RABGAP1L: variants seen among roughly 807,000 people sequenced by gnomAD.
RABGAP1L encodes the protein RAB GTPase activating protein 1 like, also known as rab GTPase-activating protein 1-like.
Under a neutral mutation model 137.7 loss-of-function variants are expected in RABGAP1L, and 63 were observed. The observed-to-expected ratio is 0.46, with a 90% CI of 0.37 to 0.56. RABGAP1L has a LOEUF of 0.56. RABGAP1L is among the 20% of genes least tolerant of loss of function. The pLI is 0.00. For missense variants in RABGAP1L, 1,095 were observed against 1,244.0 expected (o/e 0.88, Z 1.80); for synonymous variants, 431 against 433.7 (o/e 0.99, Z 0.08).
intron 19 of RABGAP1L, among the ~76,000 whole-genome samples, chr1:174,892,087 G>A (rs1455682661): frequency 6.6e-6 from 1 of 152,222 alleles, no homozygotes; most frequent in African/African-American, 2.4e-5. Flanking sequence ...TGGAGCCTCT[G>A]CGACTACACC....
intron 11 of RABGAP1L, among the ~76,000 whole-genome samples, chr1:174,335,304 CT>C (rs1681384819): frequency 6.6e-6 from 1 of 152,130 alleles, no homozygotes; most frequent in Admixed American, 6.5e-5. Context: ...AACAATTTGC[CT>C]GTCAAAGCAA....
At chr1:174,192,040 T>TTAGACTGAA (rs1173243110) in intron 1 of RABGAP1L, among the ~76,000 whole-genome samples, 3 of 152,186 alleles carry the variant, frequency 2.0e-5, no homozygotes. Flanking sequence ...GGTTAGAGTA[T>TTAGACTGAA]TAGACTGAAT....
At chr1:174,333,382 T>C (rs1403191922) in intron 11 of RABGAP1L, among the ~76,000 whole-genome samples, 1 of 152,228 alleles carries the variant, frequency 6.6e-6, no homozygotes, top group Non-Finnish European at 1.5e-5. Flanking sequence ...TACCGTAATA[T>C]GATCATTACA....
At chr1:174,950,298 C>T (rs1667517397) in intron 19 of RABGAP1L, among the ~76,000 whole-genome samples, 1 of 152,170 alleles carries the variant, frequency 6.6e-6, no homozygotes, top group South Asian at 2.1e-4. Flanking sequence ...TAATCATTTA[C>T]AGGCTCTAAC....
At chr1:174,875,011 A>G (rs753402251) in intron 19 of RABGAP1L, among the ~76,000 whole-genome samples, 1 of 152,196 alleles carries the variant, frequency 6.6e-6, no homozygotes, top group Non-Finnish European at 1.5e-5. Flanking sequence ...TGCAGCTACA[A>G]TAGAGGACCA....
intron 18 of RABGAP1L, among the ~76,000 whole-genome samples, chr1:174,808,346 C>T (rs149423759): frequency 1.8e-4 from 27 of 152,092 alleles, no homozygotes; most frequent in East Asian, 5.8e-4. Context: ...CCTGGCTACT[C>T]GGGAGCCTAA....
At chr1:174,854,331 A>G (rs933938789) in intron 19 of RABGAP1L, among the ~76,000 whole-genome samples, 2 of 152,184 alleles carry the variant, frequency 1.3e-5, no homozygotes, top group Non-Finnish European at 2.9e-5. Flanking sequence ...TCCAGGCCTT[A>G]TATTACATAG....
chr1:174,358,672 A>G (rs967029088), intron 11 of RABGAP1L, among the ~76,000 whole-genome samples: 1 of 152,190 alleles, frequency 6.6e-6, no homozygotes, highest in Admixed American at 6.5e-5. Context: ...GGATAGGGGT[A>G]TACTTTAACA....
intron 13 of RABGAP1L, among the ~76,000 whole-genome samples, chr1:174,626,912 A>G (rs1259878322): frequency 6.6e-6 from 1 of 152,200 alleles, no homozygotes; most frequent in Non-Finnish European, 1.5e-5. Flanking sequence ...ACATAGAACT[A>G]AAGGAGGCTC....
intron 18 of RABGAP1L, among the ~76,000 whole-genome samples, chr1:174,780,119 T>TAAA (rs1344038351): frequency 4.0e-4 from 52 of 131,090 alleles, no homozygotes; most frequent in African/African-American, 1.0e-3. Context: ...AATAAATAAA[T>TAAA]TAAATAAGCC....
intron 18 of RABGAP1L, among the ~76,000 whole-genome samples, chr1:174,766,254 C>CT (rs1685661838): frequency 6.6e-6 from 1 of 152,208 alleles, no homozygotes; most frequent in Non-Finnish European, 1.5e-5. Context: ...GCCACCCAGT[C>CT]TGATTCCTTT....
At chr1:174,500,083 T>TC (rs1050717710) in intron 13 of RABGAP1L, among the ~76,000 whole-genome samples, 5 of 147,382 alleles carry the variant, frequency 3.4e-5, no homozygotes, top group African/African-American at 1.3e-4. Context: ...GCTTCTTCTT[T>TC]TTTTTTTTTT....
intron 13 of RABGAP1L, among the ~76,000 whole-genome samples, chr1:174,416,331 A>C (rs926324211): frequency 4.6e-5 from 7 of 152,108 alleles, no homozygotes; most frequent in Admixed American, 6.5e-5. Flanking sequence ...CCACAGAAAG[A>C]AACTGTAGAC....
intron 10 of RABGAP1L, among the ~76,000 whole-genome samples, chr1:174,291,505 G>T (rs1676602362): frequency 6.6e-6 from 1 of 152,020 alleles, no homozygotes. Flanking sequence ...TCCTATATTT[G>T]CTGGGAGAAT....
At chr1:174,413,278 ATTCC>A (rs1374217907) in intron 13 of RABGAP1L, among the ~76,000 whole-genome samples, 4 of 152,146 alleles carry the variant, frequency 2.6e-5, no homozygotes, top group Admixed American at 2.0e-4. Flanking sequence ...GTATTTTGAA[ATTCC>A]TTAAGTGAAT....
chr1:174,781,226 C>T (rs1157630024), intron 18 of RABGAP1L, among the ~76,000 whole-genome samples: 3 of 152,162 alleles, frequency 2.0e-5, no homozygotes, highest in Non-Finnish European at 2.9e-5. Flanking sequence ...TCCTCTCCAG[C>T]ACCTGTTGTT....
At position 174,448,147 on chromosome 1, in the gene RABGAP1L, G is replaced by A. The variant is rs1655004970; in HGVS notation, c.1710+54002G>A. ...CCAGGTGGACTGAATGGAGGATCCT[G>A]AACATGAGCAGTGGCATTGTGAATG... is the stretch of plus-strand genomic sequence containing the variant. On this transcript the variant is annotated intron_variant, in intron 13 of 25. Coordinates refer to ENST00000681986, the MANE Select transcript of RABGAP1L (RefSeq NM_001366446.1). The surrounding 1 kb of genome is among the most constrained non-coding windows in gnomAD (Gnocchi z 4.2). The A allele has an allele frequency of 6.2e-7, 1 of 1,613,166 alleles. No homozygotes were observed. Among genetic ancestry groups the A allele is most frequent in the Non-Finnish European group, 8.5e-7 (1 of 1,179,386 alleles).
chr1:174,491,709 A>G (rs1367390141), intron 13 of RABGAP1L, among the ~76,000 whole-genome samples: 1 of 152,158 alleles, frequency 6.6e-6, no homozygotes, highest in East Asian at 1.9e-4. Context: ...TTAGGTGCCC[A>G]GAGCACTCCA....
chr1:174,411,665 G>A (rs780502880), intron 13 of RABGAP1L, among the ~76,000 whole-genome samples: 2 of 151,980 alleles, frequency 1.3e-5, no homozygotes, highest in Non-Finnish European at 2.9e-5. Context: ...CCAGGTTTTG[G>A]TATCAGATTG....
Sources: allele counts gnomAD v4.1 joint callset (sites outside exome capture counted in the v4.1 genomes callset), GRCh38; gene constraint gnomAD v4.1.1; non-coding constraint Gnocchi (gnomAD v3.1); transcripts MANE v1.5; gene names NCBI Gene and HGNC (gene_info 2026-07-23, HGNC 2026-07-21).